Variants in ATP8A2 observed in about 807,000 individuals in gnomAD.
ATP8A2 encodes phospholipid-transporting ATPase IB.
Under a neutral mutation model 165.6 loss-of-function variants are expected in ATP8A2, and 100 were observed. That is an observed-to-expected ratio of 0.60 (90% CI 0.51 to 0.71). ATP8A2 has a LOEUF of 0.71. Ranked by LOEUF, ATP8A2 falls within the 30% of genes least tolerant of loss-of-function variation. ATP8A2 has a pLI of 0.00. For missense variants in ATP8A2, 1,227 were observed against 1,479.5 expected, an observed-to-expected ratio of 0.83 and a Z score of 2.80; for synonymous variants, 543 against 548.8, an observed-to-expected ratio of 0.99 and a Z score of 0.15.
chr13:25,383,612 T>C (rs1359648694), intron 1 of ATP8A2, among the ~76,000 whole-genome samples: 4 of 152,236 alleles, frequency 2.6e-5, no homozygotes. Flanking sequence ...TTTCATGAAT[T>C]ATACTTCTGG....
rs780347629 is a variant in ATP8A2, at chr13:25,486,162, G to C, written c.221+17041G>C. 4.5e-4 allele frequency among the ~76,000 whole-genome samples: 69 copies of C among 152,122 alleles called. 1 individual carries two copies. Among genetic ancestry groups the C allele is most frequent in the Admixed American group, 3.3e-4 (5 of 15,278 alleles). On this transcript the variant is annotated intron_variant, in intron 2 of 36. Coordinates refer to ENST00000381655, the MANE Select transcript of ATP8A2 (RefSeq NM_016529.6). ...GGTCCCTTTGCTAGTATTTTGTATG[G>C]ATGGTTGATGGGTGCAATGTGCAAT...
chr13:25,969,801 CA>C (rs1194889740), intron 35 of ATP8A2, among the ~76,000 whole-genome samples: 7 of 152,236 alleles, frequency 4.6e-5, no homozygotes, highest in African/African-American at 1.4e-4. Flanking sequence ...GTCAACAAGA[CA>C]AAAAGCACTG....
chr13:25,516,465 G>A (rs2037472968), intron 2 of ATP8A2, among the ~76,000 whole-genome samples: 1 of 152,134 alleles, frequency 6.6e-6, no homozygotes, highest in South Asian at 2.1e-4. Context: ...AGAATATACT[G>A]AATTCTGAAT....
chr13:25,408,686 C>T (rs1184820640), intron 1 of ATP8A2, among the ~76,000 whole-genome samples: 1 of 150,658 alleles, frequency 6.6e-6, no homozygotes, highest in African/African-American at 2.4e-5. Flanking sequence ...TCTTTACTTT[C>T]CCAAAATAAT....
chr13:25,377,396 A>C (rs115946655), intron 1 of ATP8A2, among the ~76,000 whole-genome samples: 26 of 152,280 alleles, frequency 1.7e-4, no homozygotes, highest in African/African-American at 5.8e-4. Flanking sequence ...CAAACACAGA[A>C]ACAGGACCTA....
At chr13:25,584,915 T>C (rs1203451164) in intron 23 of ATP8A2, among the ~76,000 whole-genome samples, 1 of 152,224 alleles carries the variant, frequency 6.6e-6, no homozygotes, top group East Asian at 1.9e-4. Flanking sequence ...GAGTTCATCT[T>C]TAGATTTGGT....
intron 15 of ATP8A2, 27 bp from the exon 16 acceptor site, chr13:25,563,929 A>G: frequency 6.4e-7 from 1 of 1,554,344 alleles, no homozygotes; most frequent in Non-Finnish European, 8.9e-7. Flanking sequence ...TTTAAATTGA[A>G]TAAATTTTCT....
intron 25 of ATP8A2, among the ~76,000 whole-genome samples, chr13:25,737,041 T>C (rs1321046427): frequency 6.6e-6 from 1 of 152,006 alleles, no homozygotes; most frequent in Non-Finnish European, 1.5e-5. Flanking sequence ...GGGATTTGTG[T>C]GTTAGGAGGG....
At chr13:25,800,338 A>G (rs1950596106) in intron 27 of ATP8A2, among the ~76,000 whole-genome samples, 1 of 152,264 alleles carries the variant, frequency 6.6e-6, no homozygotes. Flanking sequence ...AGAGCAGGAA[A>G]GGAAATAAAC....
intron 33 of ATP8A2, among the ~76,000 whole-genome samples, chr13:25,915,119 A>G (rs1214755592): frequency 6.6e-6 from 1 of 152,214 alleles, no homozygotes; most frequent in Non-Finnish European, 1.5e-5. Flanking sequence ...CTACCAGTGC[A>G]TTGGTCCATT....
intron 25 of ATP8A2, among the ~76,000 whole-genome samples, chr13:25,717,794 T>C (rs1037610221): frequency 5.9e-5 from 9 of 152,216 alleles, no homozygotes; most frequent in African/African-American, 2.2e-4. Flanking sequence ...TCCCTCAGTA[T>C]AGCTGCTGCT....
chr13:25,691,251 G>A (rs79172021), intron 24 of ATP8A2, among the ~76,000 whole-genome samples: 4,012 of 152,308 alleles, frequency 0.026, 90 homozygotes, highest in Middle Eastern at 0.058. Context: ...AAAGTGTTCT[G>A]TATCTTGATT....
At chr13:25,588,628 T>TCTA (rs764514411) in intron 23 of ATP8A2, among the ~76,000 whole-genome samples, 3 of 152,228 alleles carry the variant, frequency 2.0e-5, no homozygotes, top group Non-Finnish European at 4.4e-5. Flanking sequence ...ATTTCCCTTT[T>TCTA]CTATAATCCT....
At chr13:25,473,138 A>T (rs2035894768) in intron 2 of ATP8A2, among the ~76,000 whole-genome samples, 1 of 152,212 alleles carries the variant, frequency 6.6e-6, no homozygotes, top group African/African-American at 2.4e-5. Context: ...GCACTACATG[A>T]GAACTCTGAA....
chr13:25,920,537 C>T (rs1382330564), intron 33 of ATP8A2, among the ~76,000 whole-genome samples: 12 of 152,148 alleles, frequency 7.9e-5, no homozygotes, highest in Admixed American at 6.5e-4. Flanking sequence ...AGCCAAAAGC[C>T]GAAGTCCTCC....
intron 33 of ATP8A2, among the ~76,000 whole-genome samples, chr13:25,933,449 G>A (rs1456411608): frequency 6.6e-6 from 1 of 152,282 alleles, no homozygotes; most frequent in South Asian, 2.1e-4. Flanking sequence ...AGATCACAGG[G>A]TTTCCTCTGT....
chr13:25,899,818 G>A (rs1159833265), intron 33 of ATP8A2, among the ~76,000 whole-genome samples: 1 of 152,218 alleles, frequency 6.6e-6, no homozygotes, highest in Non-Finnish European at 1.5e-5. Flanking sequence ...TCTTTGGAGA[G>A]CTTTAATAGG....
At chr13:25,573,571 A>G (rs1228983831) in intron 18 of ATP8A2, among the ~76,000 whole-genome samples, 2 of 152,212 alleles carry the variant, frequency 1.3e-5, no homozygotes, top group African/African-American at 2.4e-5. Flanking sequence ...GTCAGGAACA[A>G]ATTCTCAAAT....
At chr13:25,975,421 C>A (rs1334320154) in intron 35 of ATP8A2, among the ~76,000 whole-genome samples, 2 of 147,958 alleles carry the variant, frequency 1.4e-5, no homozygotes, top group Non-Finnish European at 1.5e-5. Context: ...ACTAAAAATA[C>A]AAAAAAAAAA....
Sources: gnomAD v4.1 joint callset for allele counts (sites outside exome capture counted in the v4.1 genomes callset) on GRCh38, gnomAD v4.1.1 for gene constraint, MANE v1.5 for transcripts, NCBI Gene and HGNC (gene_info 2026-07-23, HGNC 2026-07-21) for gene names.